Variants in PITPNM3 observed in about 807,000 individuals in gnomAD.
PITPNM3 encodes the protein PITPNM family member 3.
In PITPNM3, 26 loss-of-function variants were observed where a neutral mutation model predicts 102.0. That is an observed-to-expected ratio of 0.25 (90% CI 0.19 to 0.35). PITPNM3 has a LOEUF of 0.35. Ranked by LOEUF, PITPNM3 falls within the 10% of genes least tolerant of loss-of-function variation. The pLI is 1.00. For synonymous variants in PITPNM3, 578 were observed against 558.6 expected, an observed-to-expected ratio of 1.03 and a Z score of -0.49; for missense variants, 1,083 against 1,346.1, an observed-to-expected ratio of 0.80 and a Z score of 3.06.
chr17:6,483,402 C>T (rs1050091933), intron 6 of PITPNM3, 115 bp downstream of exon 6: 5 of 999,668 alleles, frequency 5.0e-6, no homozygotes, highest in Admixed American at 2.0e-5. Flanking sequence ...ATCTGACACC[C>T]CAGAGAGTCC....
At chr17:6,544,496 C>T (rs373620787) in intron 1 of PITPNM3, among the ~76,000 whole-genome samples, 5 of 152,134 alleles carry the variant, frequency 3.3e-5, no homozygotes, top group East Asian at 3.9e-4. Flanking sequence ...CATGCCACTG[C>T]CCTCCAGCCT....
At chr17:6,464,965 G>A (rs868122541) in intron 14 of PITPNM3, among the ~76,000 whole-genome samples, 194 bp from the exon 15 acceptor site, 3 of 152,192 alleles carry the variant, frequency 2.0e-5, no homozygotes, top group South Asian at 2.1e-4. Flanking sequence ...TCCCCCAAAC[G>A]CTGTCTTCAA....
intron 4 of PITPNM3, among the ~76,000 whole-genome samples, chr17:6,499,545 A>G (rs957440747): frequency 6.6e-6 from 1 of 152,150 alleles, no homozygotes; most frequent in Non-Finnish European, 1.5e-5. Context: ...TCATCATCAC[A>G]TGGGGACCAG....
rs1905038142 is a variant in PITPNM3 at position 6,470,980 on chromosome 17, G to A, written c.1624+181C>T. Among the ~76,000 whole-genome samples the A allele has an allele frequency of 6.6e-6, 1 of 152,278 alleles. No homozygotes were observed. The highest frequency in any genetic ancestry group is 2.4e-5 in the African/African-American group (1 of 41,552). On this transcript the variant is annotated intron_variant, in intron 12 of 19. Transcript: ENST00000262483. The surrounding 1 kb of genome is among the most constrained non-coding windows in gnomAD (Gnocchi z 4.8). Reference sequence around the variant, plus strand: ...GGCCAGAGTGAGGATCTGGACCGATGCCAGGTCTCCATCAGCAGACGCCCA... The same window carrying A: ...GGCCAGAGTGAGGATCTGGACCGATACCAGGTCTCCATCAGCAGACGCCCA...
At chr17:6,533,369 C>G (rs557378037) in intron 2 of PITPNM3, among the ~76,000 whole-genome samples, 6 of 152,332 alleles carry the variant, frequency 3.9e-5, no homozygotes, top group African/African-American at 1.4e-4. Context: ...TGACGTGGAG[C>G]ATCTTTTCAC....
chr17:6,508,394 A>G (rs1907670919), intron 3 of PITPNM3, among the ~76,000 whole-genome samples: 1 of 152,176 alleles, frequency 6.6e-6, no homozygotes, highest in Non-Finnish European at 1.5e-5. Context: ...AGGTAAAGTC[A>G]CTTCCCCAAC....
intron 1 of PITPNM3, among the ~76,000 whole-genome samples, chr17:6,551,860 C>T (rs768060069): frequency 9.2e-5 from 14 of 152,036 alleles, no homozygotes; most frequent in Non-Finnish European, 1.5e-4. Flanking sequence ...AGAAGTCTCG[C>T]TTTGGGAGGA....
chr17:6,544,002 G>A (rs1909871962), intron 1 of PITPNM3, among the ~76,000 whole-genome samples: 1 of 152,212 alleles, frequency 6.6e-6, no homozygotes, highest in Admixed American at 6.5e-5. Flanking sequence ...GCACATGGGT[G>A]TCTGCTGGCA....
At position 6,465,273 on chromosome 17, in the gene PITPNM3, C is replaced by T. The variant is rs111904999; in HGVS notation, c.1891-502G>A. Among the ~76,000 whole-genome samples, 335 of 152,090 alleles carry T rather than the reference C, an allele frequency of 2.2e-3. 1 individual carries two copies. The highest frequency in any genetic ancestry group is 7.6e-3 in the African/African-American group (314 of 41,494). On this transcript the variant is annotated intron_variant, in intron 14 of 19. Coordinates refer to ENST00000262483, the MANE Select transcript of PITPNM3 (RefSeq NM_031220.4). ...GTTGATCAGGCTGGTCTCGAACTCC[C>T]GACCTCAGGTGATCTGCCTACCTCG...
chr17:6,455,194 C>T lies in PITPNM3; in HGVS notation c.*144G>A, dbSNP rs1417135448. On this transcript the variant is annotated 3_prime_UTR_variant, in exon 20 of 20. Transcript: ENST00000262483. The stretch of plus-strand genomic sequence containing the variant: ...CCCCCCGGGCTCGGGCAGGATCCCT[C>T]CCCGCTCTGGTCGGACACTGCTGGA... The T allele has an allele frequency of 8.8e-6, 10 of 1,138,862 alleles. No individual in the cohort carries two copies. Among genetic ancestry groups the T allele is most frequent in the Non-Finnish European group, 1.2e-5 (10 of 836,232 alleles). The allele number at this position is 1,138,862 out of a possible 1,614,324, so 70.5% of individuals were successfully genotyped here.
chr17:6,544,105 A>G (rs1909879456), intron 1 of PITPNM3, among the ~76,000 whole-genome samples: 1 of 152,246 alleles, frequency 6.6e-6, no homozygotes. Context: ...GTGGGTGCAC[A>G]GCATTGGGCT....
At chr17:6,513,566 A>C (rs755234695) in intron 3 of PITPNM3, among the ~76,000 whole-genome samples, 1 of 152,244 alleles carries the variant, frequency 6.6e-6, no homozygotes, top group Non-Finnish European at 1.5e-5. Context: ...CAAAAAGACT[A>C]AAATACTTAG....
intron 1 of PITPNM3, among the ~76,000 whole-genome samples, chr17:6,553,238 GC>G (rs1910413061): frequency 6.6e-6 from 1 of 151,868 alleles, no homozygotes; most frequent in Non-Finnish European, 1.5e-5. Context: ...CCCCACCCCT[GC>G]CCCCACCTCC....
rs1256305063 is a variant in PITPNM3 at position 6,458,473 on chromosome 17, G to T, written c.2491-751C>A. ...TGGGATGACCCACGGTCTGCATGAC[G>T]TGAAGGATCTACCACCTCCCACCCG... is the stretch of plus-strand genomic sequence containing the variant. On this transcript the variant is annotated intron_variant, in intron 18 of 19. Coordinates refer to ENST00000262483, the MANE Select transcript of PITPNM3 (RefSeq NM_031220.4). The surrounding 1 kb of genome is among the most constrained non-coding windows in gnomAD (Gnocchi z 5.1). Among the ~76,000 whole-genome samples, 2 of 152,146 alleles carry T rather than the reference G, an allele frequency of 1.3e-5. No individual in the cohort carries two copies. The highest frequency in any genetic ancestry group is 3.9e-4 in the East Asian group (2 of 5,192).
intron 6 of PITPNM3, chr17:6,481,496 C>T (rs1014995944): frequency 6.6e-6 from 1 of 152,242 alleles, no homozygotes; most frequent in Admixed American, 6.5e-5. Context: ...ACTATGGCTA[C>T]CTTCATTGTA....
chr17:6,468,237 C>G lies in PITPNM3; in HGVS notation c.1878G>C (p.Gln626His), dbSNP rs76024428. The G allele has an allele frequency of 3.7e-3, 6,045 of 1,613,304 alleles. 30 individuals are homozygous for G. The highest frequency in any genetic ancestry group is 4.8e-3 in the Non-Finnish European group (5,698 of 1,179,988). ...PREKWLRKRT[Q>H]VKLRNVTANH... The stretch of plus-strand genomic sequence containing the variant: ...AGCATGCACGCACCCTCAGCTTGAC[C>G]TGAGTCCGCTTACGAAGCCACTTCT... Residue 626 changes from glutamine to histidine, a missense_variant, in exon 14 of 20, where the codon CAG becomes CAC. Coordinates refer to ENST00000262483, the MANE Select transcript of PITPNM3 (RefSeq NM_031220.4). The surrounding 1 kb of genome is among the most constrained non-coding windows in gnomAD (Gnocchi z 5.2).
At position 6,554,333 on chromosome 17, in the gene PITPNM3, A is replaced by G. The variant is rs1479897980; in HGVS notation, c.22+2052T>C. Among the ~76,000 whole-genome samples the G allele has an allele frequency of 4.0e-5, 6 of 151,402 alleles. No individual in the cohort carries two copies. The East Asian group carries it at 1.2e-3, about 29-fold the overall frequency. ...GACTCCATCTCAAAAAAAAAAAAAAAAAAAAAGGAGAGAAGGGACATTTAC... is the reference window on the plus strand; with the variant it reads ...GACTCCATCTCAAAAAAAAAAAAAAGAAAAAAGGAGAGAAGGGACATTTAC... On this transcript the variant is annotated intron_variant, in intron 1 of 19. Coordinates refer to ENST00000262483, the MANE Select transcript of PITPNM3 (RefSeq NM_031220.4).
intron 4 of PITPNM3, among the ~76,000 whole-genome samples, chr17:6,499,889 C>T (rs370719627): frequency 6.6e-6 from 1 of 152,142 alleles, no homozygotes; most frequent in East Asian, 1.9e-4. Context: ...TGCCACCATG[C>T]CCAGCTAATT....
intron 4 of PITPNM3, among the ~76,000 whole-genome samples, chr17:6,500,095 C>G (rs1019060128): frequency 6.6e-6 from 1 of 152,124 alleles, no homozygotes; most frequent in Non-Finnish European, 1.5e-5. Flanking sequence ...GTAACTTGTC[C>G]AAAATGTCAC....
Sources: allele counts gnomAD v4.1 joint callset (sites outside exome capture counted in the v4.1 genomes callset), GRCh38; gene constraint gnomAD v4.1.1; non-coding constraint Gnocchi (gnomAD v3.1); transcripts MANE v1.5; gene names NCBI Gene and HGNC (gene_info 2026-07-23, HGNC 2026-07-21).